The following HIVEP3 variants were observed in gnomAD, a reference collection of about 807,000 sequenced individuals.
HIVEP3 encodes transcription factor HIVEP3.
HIVEP3 carries 49 observed loss-of-function variants against 152.8 expected under a neutral mutation model. That is an observed-to-expected ratio of 0.32 (90% CI 0.26 to 0.41). HIVEP3 has a LOEUF of 0.41. Ranked by LOEUF, HIVEP3 falls within the 10% of genes least tolerant of loss-of-function variation. The probability of loss-of-function intolerance (pLI) is 1.00; values close to 1 mark genes in which losing one functional copy is unlikely to be tolerated. For missense variants in HIVEP3, 2,790 were observed against 3,103.3 expected, an observed-to-expected ratio of 0.90 and a Z score of 2.40; for synonymous variants, 1,269 against 1,289.0, an observed-to-expected ratio of 0.98 and a Z score of 0.33.
chr1:41,726,187 G>C, intron 1 of HIVEP3, among the ~76,000 whole-genome samples: 1 of 151,928 alleles, frequency 6.6e-6, no homozygotes, highest in East Asian at 1.9e-4. Context: ...GCATTTTCAT[G>C]AGCCCTCGAG....
intron 1 of HIVEP3, among the ~76,000 whole-genome samples, chr1:41,767,240 C>G (rs1648069786): frequency 6.6e-6 from 1 of 152,224 alleles, no homozygotes; most frequent in Non-Finnish European, 1.5e-5. Context: ...ATTTTATACT[C>G]AGTTCCACTC....
rs538103551 is a variant in HIVEP3, at chr1:41,517,269, G to C, written c.5470+1133C>G. 1.2e-3 allele frequency among the ~76,000 whole-genome samples: 184 copies of C among 152,258 alleles called. 1 individual carries two copies. The highest frequency in any genetic ancestry group is 4.4e-3 in the African/African-American group (183 of 41,538). On this transcript the variant is annotated intron_variant, in intron 7 of 8. Transcript: ENST00000372583. The stretch of plus-strand genomic sequence containing the variant: ...GTGTGACCTTGGGCTATTTTTACCT[G>C]TCTGAGCTTTGACTTCCCTGACTTA...
intron 1 of HIVEP3, among the ~76,000 whole-genome samples, chr1:42,032,542 GA>G (rs1645618922): frequency 1.3e-5 from 2 of 152,120 alleles, no homozygotes; most frequent in Non-Finnish European, 2.9e-5. Flanking sequence ...CACGGTCTAC[GA>G]TACAGCTTTG....
intron 1 of HIVEP3, among the ~76,000 whole-genome samples, chr1:41,944,083 C>T (rs1311251548): frequency 6.6e-6 from 1 of 152,044 alleles, no homozygotes; most frequent in Non-Finnish European, 1.5e-5. Context: ...TTCATAGAGA[C>T]AGAAAGTGGA....
At chr1:41,931,609 T>C (rs1210607960) in intron 1 of HIVEP3, among the ~76,000 whole-genome samples, 1 of 152,068 alleles carries the variant, frequency 6.6e-6, no homozygotes, top group Non-Finnish European at 1.5e-5. Flanking sequence ...GAATACAGTA[T>C]CTGTATTTAT....
chr1:41,884,084 G>A (rs1644304937), intron 1 of HIVEP3, among the ~76,000 whole-genome samples: 1 of 152,138 alleles, frequency 6.6e-6, no homozygotes. Flanking sequence ...TCGTGCCTCA[G>A]CCTCCCTGGT....
chr1:41,888,390 T>C (rs965812986), intron 1 of HIVEP3, among the ~76,000 whole-genome samples: 3 of 151,788 alleles, frequency 2.0e-5, no homozygotes, highest in African/African-American at 7.3e-5. Flanking sequence ...CTAAGACATA[T>C]CTAAGCCCTT....
chr1:41,675,893 C>G (rs767310911), intron 2 of HIVEP3, among the ~76,000 whole-genome samples: 1 of 152,176 alleles, frequency 6.6e-6, no homozygotes, highest in Non-Finnish European at 1.5e-5. Flanking sequence ...TGTGTCCACA[C>G]GGCCCAGCTC....
At chr1:41,750,989 C>T (rs1647152159) in intron 1 of HIVEP3, among the ~76,000 whole-genome samples, 1 of 151,460 alleles carries the variant, frequency 6.6e-6, no homozygotes, top group Non-Finnish European at 1.5e-5. Flanking sequence ...GCTGGGATTA[C>T]AGGTGTGAGA....
chr1:41,791,165 C>CACACACA (rs3222337), intron 1 of HIVEP3, among the ~76,000 whole-genome samples: 1 of 128,884 alleles, frequency 7.8e-6, no homozygotes, highest in Non-Finnish European at 1.7e-5. Context: ...CACACACACA[C>CACACACA]GAGTCTACAC....
intron 1 of HIVEP3, among the ~76,000 whole-genome samples, chr1:41,895,307 C>A (rs934962473): frequency 6.6e-6 from 1 of 152,178 alleles, no homozygotes; most frequent in Non-Finnish European, 1.5e-5. Flanking sequence ...GGTCTCCCTG[C>A]ACATAAACTC....
chr1:41,581,588 T>C lies in HIVEP3; in HGVS notation c.3210A>G (p.Glu1070=), dbSNP rs763772445. The part of the protein sequence containing the change: ...EVAPKGRQES[E]EPQPSSSKPS... ...GTTTACTGGATGAGGGCTGTGGTTC[T>C]TCGCTCTCCTGTCTTCCCTTGGGGG... The change falls in exon 4 of 9, where the codon GAA becomes GAG. Residue 1070 remains glutamate (E), a synonymous_variant. Coordinates refer to ENST00000372583, the MANE Select transcript of HIVEP3 (RefSeq NM_024503.5). This position sits in a 1 kb window ranked among gnomAD's most constrained non-coding sequence, Gnocchi z 4.5. The C allele has an allele frequency of 6.2e-7, 1 of 1,613,570 alleles. No homozygotes were observed. Among genetic ancestry groups the C allele is most frequent in the Non-Finnish European group, 8.5e-7 (1 of 1,179,782 alleles).
At chr1:41,747,441 G>A (rs908761033) in intron 1 of HIVEP3, among the ~76,000 whole-genome samples, 1 of 152,200 alleles carries the variant, frequency 6.6e-6, no homozygotes, top group African/African-American at 2.4e-5. Context: ...CTGGCAGGGG[G>A]ATGAGGAAAG....
intron 1 of HIVEP3, among the ~76,000 whole-genome samples, chr1:41,771,412 C>G (rs1310015799): frequency 6.6e-6 from 1 of 152,026 alleles, no homozygotes; most frequent in African/African-American, 2.4e-5. Flanking sequence ...AGAAGTTAAA[C>G]TTTAGCCAAA....
chr1:41,605,123 AG>A (rs1644800395), intron 3 of HIVEP3, among the ~76,000 whole-genome samples: 2 of 113,954 alleles, frequency 1.8e-5, no homozygotes, highest in South Asian at 3.6e-4. Context: ...AAAAAAAAAA[AG>A]AGAAAGGGAA....
chr1:42,026,445 T>C (rs1645582887), intron 1 of HIVEP3, among the ~76,000 whole-genome samples: 1 of 152,232 alleles, frequency 6.6e-6, no homozygotes, highest in Non-Finnish European at 1.5e-5. Context: ...TAAAATTTTT[T>C]CAATTTAAAA....
In HIVEP3 at chr1:41,584,006, C is replaced by T; in HGVS notation, c.792G>A (p.Glu264=). 1 of 1,614,228 alleles carries T rather than the reference C, an allele frequency of 6.2e-7. No individual in the cohort carries two copies. Among genetic ancestry groups the T allele is most frequent in the African/African-American group, 1.3e-5 (1 of 75,066 alleles). Residue 264 remains glutamate (E), a synonymous_variant, in exon 4 of 9, where the codon GAG becomes GAA. Coordinates refer to ENST00000372583, the MANE Select transcript of HIVEP3 (RefSeq NM_024503.5). The surrounding 1 kb of genome is among the most constrained non-coding windows in gnomAD (Gnocchi z 5.2). ...MGGEMYPHGL[E]MERIPGEEFE... ...ACTCTTCCCCAGGGATCCGCTCCAT[C>T]TCCAGCCCATGTGGGTACATCTCGC...
intron 5 of HIVEP3, among the ~76,000 whole-genome samples, chr1:41,528,741 C>T (rs544685217): frequency 1.6e-4 from 22 of 137,566 alleles, no homozygotes; most frequent in African/African-American, 5.6e-4. Context: ...CTCACACACC[C>T]TCACATACTC....
rs904212379 is a variant in HIVEP3, at chr1:41,509,117, ACT to A, written c.*1332_*1333del. The A allele has an allele frequency of 5.9e-5, 9 of 152,222 alleles. No individual in the cohort carries two copies. Among genetic ancestry groups the A allele is most frequent in the Non-Finnish European group, 1.3e-4 (9 of 68,040 alleles). The allele number at this position is 152,222 out of a possible 1,614,324, so 9.4% of individuals were successfully genotyped here. On this transcript the variant is annotated 3_prime_UTR_variant, in exon 9 of 9. Coordinates refer to ENST00000372583, the MANE Select transcript of HIVEP3 (RefSeq NM_024503.5). ...GGGTAAGGAAGAGGCACTGGCTCAC[ACT>A]GATTGCTTTGGAGAATTCCAACGAG... is the stretch of plus-strand genomic sequence containing the variant.
Sources: allele counts gnomAD v4.1 joint callset (sites outside exome capture counted in the v4.1 genomes callset), GRCh38; gene constraint gnomAD v4.1.1; non-coding constraint Gnocchi (gnomAD v3.1); transcripts MANE v1.5; gene names NCBI Gene and HGNC (gene_info 2026-07-23, HGNC 2026-07-21).